Variants in C6orf89 observed in about 807,000 individuals in gnomAD.
C6orf89 encodes the protein bombesin receptor-activated protein C6orf89.
C6orf89 carries 29 observed loss-of-function variants against 40.7 expected under a neutral mutation model. That is an observed-to-expected ratio of 0.71 (90% CI 0.53 to 0.97). C6orf89 has a LOEUF of 0.97. Among genes scored for constraint, C6orf89 ranks in the 50% least tolerant of loss-of-function variants. The pLI is 0.00. For missense variants in C6orf89, 392 were observed against 429.1 expected (o/e 0.91, Z 0.76); for synonymous variants, 165 against 152.2 (o/e 1.08, Z -0.62).
chr6:36,873,648 T>C (rs574381045), intron 1 of C6orf89, among the ~76,000 whole-genome samples: 2 of 152,280 alleles, frequency 1.3e-5, no homozygotes, highest in South Asian at 4.1e-4. Flanking sequence ...AAATTACAGG[T>C]TGGAGCCTGA....
chr6:36,923,550 T>A lies in C6orf89; in HGVS notation c.*109T>A. ...GCTTTCTGGGGGTTGGTTACTTAGT[T>A]ACCTGCCCTTTGCATGCATGTGTGA... On this transcript the variant is annotated 3_prime_UTR_variant, in exon 9 of 9. Transcript: ENST00000480824. 1 of 831,392 alleles carries A rather than the reference T, an allele frequency of 1.2e-6. No individual in the cohort carries two copies. Among genetic ancestry groups the A allele is most frequent in the Non-Finnish European group, 2.0e-6 (1 of 492,592 alleles). The allele number at this position is 831,392 out of a possible 1,614,324, so 51.5% of individuals were successfully genotyped here. A position where few individuals can be genotyped will look rare whatever the true frequency, so the allele number is the denominator to read the frequency against.
At chr6:36,899,778 A>G (rs923756724) in intron 3 of C6orf89, 145 bp downstream of exon 3, 2 of 718,144 alleles carry the variant, frequency 2.8e-6, no homozygotes, top group Non-Finnish European at 4.6e-6. Flanking sequence ...ACCATGTGTT[A>G]CTAGGAAATT....
intron 3 of C6orf89, among the ~76,000 whole-genome samples, chr6:36,901,325 T>TATTATTA (rs1561865544): frequency 2.6e-5 from 1 of 38,862 alleles, no homozygotes; most frequent in African/African-American, 1.4e-4. Flanking sequence ...ATTATTATTT[T>TATTATTA]TTTTTTTTTT....
intron 1 of C6orf89, among the ~76,000 whole-genome samples, chr6:36,876,451 T>G (rs1484130024): frequency 6.6e-6 from 1 of 151,904 alleles, no homozygotes; most frequent in Non-Finnish European, 1.5e-5. Flanking sequence ...GTAGGTTGGG[T>G]GCAGTGGCTG....
chr6:36,879,442 G>C (rs762101220), intron 2 of C6orf89, among the ~76,000 whole-genome samples: 1 of 152,130 alleles, frequency 6.6e-6, no homozygotes, highest in Non-Finnish European at 1.5e-5. Context: ...GGGCCGCTGA[G>C]GGAAAGGGAA....
intron 1 of C6orf89, among the ~76,000 whole-genome samples, chr6:36,878,142 AT>A (rs1774708933): frequency 6.6e-6 from 1 of 152,208 alleles, no homozygotes; most frequent in South Asian, 2.1e-4. Context: ...CTATATGGAT[AT>A]ACAATTGACC....
At chr6:36,898,372 C>T (rs189665369) in intron 2 of C6orf89, among the ~76,000 whole-genome samples, 9 of 151,562 alleles carry the variant, frequency 5.9e-5, no homozygotes, top group Admixed American at 1.3e-4. Flanking sequence ...CTCTGCCTCC[C>T]GAGTTCAAGA....
rs934540007 is a variant in C6orf89 at position 36,925,709 on chromosome 6, G to A, written c.*2268G>A. 2.6e-5 allele frequency: 4 copies of A among 152,208 alleles called. No individual in the cohort carries two copies. The highest frequency in any genetic ancestry group is 1.9e-4 in the East Asian group (1 of 5,202). 9.4% of individuals were successfully genotyped at this position (152,208 alleles called of 1,614,324 possible). A position where few individuals can be genotyped will look rare whatever the true frequency, so the allele number is the denominator to read the frequency against. On this transcript the variant is annotated 3_prime_UTR_variant, in exon 9 of 9. Coordinates refer to ENST00000480824, the MANE Select transcript of C6orf89 (RefSeq NM_001286635.2). Reference sequence around the variant, plus strand: ...AGCAGAATCTACTACTGGCCAGAGCGACAGGAGTGGCTAGGGGTTGCCAGC... The same window carrying A: ...AGCAGAATCTACTACTGGCCAGAGCAACAGGAGTGGCTAGGGGTTGCCAGC...
chr6:36,883,387 T>C (rs1024099114), upstream of C6orf89: 4 of 152,188 alleles, frequency 2.6e-5, no homozygotes, highest in Non-Finnish European at 5.9e-5. Context: ...CCCCAGAAGA[T>C]GGCATCCTTG....
chr6:36,894,031 AAAAAAAAGG>A (rs1162029943), intron 1 of C6orf89, among the ~76,000 whole-genome samples: 8 of 152,060 alleles, frequency 5.3e-5, no homozygotes, highest in African/African-American at 1.2e-4. Context: ...CTCAAAAAAA[AAAAAAAAGG>A]AAAAAAAGGA....
chr6:36,901,289 GTAT>G (rs1337857767), intron 3 of C6orf89, among the ~76,000 whole-genome samples: 2,650 of 78,732 alleles, frequency 0.034, 82 homozygotes, highest in Middle Eastern at 0.04. Flanking sequence ...GCCCCTTTGT[GTAT>G]TATTATTATT....
chr6:36,915,071 C>G (rs1762267640), intron 6 of C6orf89, among the ~76,000 whole-genome samples: 2 of 152,126 alleles, frequency 1.3e-5, no homozygotes, highest in Non-Finnish European at 2.9e-5. Flanking sequence ...ACAGTAATAG[C>G]TATCACTGAG....
intron 4 of C6orf89, among the ~76,000 whole-genome samples, chr6:36,905,837 T>G (rs1011323223): frequency 2.0e-5 from 3 of 152,124 alleles, no homozygotes; most frequent in Admixed American, 1.3e-4. Context: ...ATAAAAGAGG[T>G]AACTGAGGCC....
At chr6:36,899,705 T>C (rs1761589328) in intron 3 of C6orf89, 72 bp downstream of exon 3, 1 of 1,433,038 alleles carries the variant, frequency 7.0e-7, no homozygotes, top group Non-Finnish European at 9.8e-7. Flanking sequence ...CAAATGCTAT[T>C]GTTGACTAAT....
intron 1 of C6orf89, among the ~76,000 whole-genome samples, chr6:36,893,744 A>G (rs971987998): frequency 8.5e-5 from 13 of 152,190 alleles, no homozygotes; most frequent in South Asian, 2.1e-4. Context: ...CAGCCTAGCC[A>G]ATATGGTGAA....
At chr6:36,898,369 TC>T (rs1265153685) in intron 2 of C6orf89, among the ~76,000 whole-genome samples, 1 of 150,386 alleles carries the variant, frequency 6.6e-6, no homozygotes, top group Non-Finnish European at 1.5e-5. Context: ...AACCTCTGCC[TC>T]CCGAGTTCAA....
intron 4 of C6orf89, among the ~76,000 whole-genome samples, chr6:36,904,140 C>A (rs1168196387): frequency 1.3e-5 from 2 of 152,116 alleles, no homozygotes; most frequent in African/African-American, 4.8e-5. Context: ...TTTTCCTGAC[C>A]TGGTTGATGG....
intron 4 of C6orf89, among the ~76,000 whole-genome samples, chr6:36,912,244 C>G (rs1265757133): frequency 6.6e-6 from 1 of 152,202 alleles, no homozygotes; most frequent in Non-Finnish European, 1.5e-5. Flanking sequence ...AACTTCCTAT[C>G]ACCTCTAACT....
Position 36,885,975 on chromosome 6 carries a change from C to A in C6orf89, c.-173C>A. ...ACAGGAAGTTGCCCATCCTCCTCGC[C>A]CGGCGGCAGCTGTCCCCGAGGCGGG... On this transcript the variant is annotated 5_prime_UTR_variant, in exon 1 of 9. Transcript: ENST00000480824. 2 of 1,262,584 alleles carry A rather than the reference C, an allele frequency of 1.6e-6. No homozygotes were observed. Among genetic ancestry groups the A allele is most frequent in the South Asian group, 2.7e-5 (1 of 36,904 alleles). 78.2% of individuals were successfully genotyped at this position (1,262,584 alleles called of 1,614,324 possible).
Sources: allele counts gnomAD v4.1 joint callset (sites outside exome capture counted in the v4.1 genomes callset), GRCh38; gene constraint gnomAD v4.1.1; transcripts MANE v1.5; gene names NCBI Gene and HGNC (gene_info 2026-07-23, HGNC 2026-07-21).